CADM2: variants seen among roughly 807,000 people sequenced by gnomAD.
The protein encoded by CADM2 is cell adhesion molecule 2.
A neutral mutation model predicts 49.8 loss-of-function variants in CADM2; 12 were observed. The observed-to-expected ratio is 0.24, with a 90% confidence interval of 0.15 to 0.39. The LOEUF is 0.39. CADM2 is among the 10% of genes least tolerant of loss of function. The pLI is 1.00. For missense variants in CADM2, 378 were observed against 492.3 expected (o/e 0.77, Z 2.20); for synonymous variants, 214 against 175.4 (o/e 1.22, Z -1.74).
chr3:85,184,089 AG>A (rs1251764522), intron 1 of CADM2, among the ~76,000 whole-genome samples: 1 of 152,142 alleles, frequency 6.6e-6, no homozygotes, highest in Non-Finnish European at 1.5e-5. Context: ...TGGGAAAGTA[AG>A]ATGTCACAGA....
In CADM2 at chr3:86,069,615, C is replaced by A. The variant is rs1739665493; in HGVS notation, c.*2832C>A. ...ATGATGTCAATTTCATTGTCTGGAA[C>A]ATGCACACTTGTGTGCACATAGAGT... On this transcript the variant is annotated 3_prime_UTR_variant, in exon 10 of 10. Coordinates refer to ENST00000383699, the MANE Select transcript of CADM2 (RefSeq NM_001167675.2). 6.6e-6 allele frequency: 1 copy of A among 151,942 alleles called. No individual in the cohort carries two copies. The highest frequency in any genetic ancestry group is 6.6e-5 in the Admixed American group (1 of 15,244). The allele number at this position is 151,942 out of a possible 1,614,324, so 9.4% of individuals were successfully genotyped here.
chr3:85,774,068 C>A (rs1283875163), intron 2 of CADM2, among the ~76,000 whole-genome samples: 1 of 151,636 alleles, frequency 6.6e-6, no homozygotes, highest in African/African-American at 2.4e-5. Context: ...TCATTAGATC[C>A]TTTATCTACA....
chr3:85,053,624 C>G (rs2035968005), intron 1 of CADM2, among the ~76,000 whole-genome samples: 1 of 151,848 alleles, frequency 6.6e-6, no homozygotes, highest in African/African-American at 2.4e-5. Flanking sequence ...TAAACTTGTT[C>G]CTCAAGCAAA....
intron 1 of CADM2, among the ~76,000 whole-genome samples, chr3:85,635,311 TCTA>T (rs2064436893): frequency 6.6e-6 from 1 of 152,082 alleles, no homozygotes; most frequent in African/African-American, 2.4e-5. Flanking sequence ...TTTGACACAT[TCTA>T]CTATGTCACA....
At chr3:85,387,937 A>G (rs2034323202) in intron 1 of CADM2, among the ~76,000 whole-genome samples, 1 of 152,170 alleles carries the variant, frequency 6.6e-6, no homozygotes, top group African/African-American at 2.4e-5. Flanking sequence ...TGAAGAAACA[A>G]CTGATGTTTT....
chr3:85,883,993 T>A (rs557756899), intron 4 of CADM2, among the ~76,000 whole-genome samples: 1 of 152,340 alleles, frequency 6.6e-6, no homozygotes, highest in South Asian at 2.1e-4. Flanking sequence ...CTAAATGAAG[T>A]ACCTAATGTC....
Position 85,940,211 on chromosome 3 carries a change from C to T in CADM2, c.791+4354C>T, listed in dbSNP as rs369196137. Reference sequence around the variant, plus strand: ...AAAAATAGCCGGGCGTGGTGGTGGGCGCCTGTAATCCCAGCTACTGGGGAG... The same window carrying T: ...AAAAATAGCCGGGCGTGGTGGTGGGTGCCTGTAATCCCAGCTACTGGGGAG... On this transcript the variant is annotated intron_variant, in intron 7 of 9. Transcript: ENST00000383699. 3.5e-4 allele frequency among the ~76,000 whole-genome samples: 51 copies of T among 145,548 alleles called. No individual in the cohort carries two copies. In the East Asian group the frequency reaches 4.0e-3, roughly 11 times the overall value.
intron 8 of CADM2, among the ~76,000 whole-genome samples, chr3:86,019,991 A>G (rs1359504893): frequency 1.3e-5 from 2 of 152,234 alleles, no homozygotes; most frequent in Non-Finnish European, 2.9e-5. Context: ...AACTAAAATC[A>G]GAACAGAACT....
intron 1 of CADM2, among the ~76,000 whole-genome samples, chr3:85,347,453 A>T (rs1443160335): frequency 6.7e-6 from 1 of 148,180 alleles, no homozygotes; most frequent in Admixed American, 6.8e-5. Context: ...GGAAGAAAGT[A>T]ACGAACATAT....
intron 1 of CADM2, among the ~76,000 whole-genome samples, chr3:85,585,765 A>G (rs1187262796): frequency 6.6e-6 from 1 of 152,016 alleles, no homozygotes; most frequent in African/African-American, 2.4e-5. Flanking sequence ...TTGGAGAAAT[A>G]GGCTTGGTCC....
chr3:85,895,112 C>T (rs1016177845), intron 5 of CADM2, among the ~76,000 whole-genome samples: 5 of 152,170 alleles, frequency 3.3e-5, no homozygotes, highest in Admixed American at 6.5e-5. Context: ...AAGCCTGCAC[C>T]TGGAATAGCT....
intron 1 of CADM2, among the ~76,000 whole-genome samples, chr3:85,501,997 T>C (rs1323570099): frequency 6.6e-6 from 1 of 152,086 alleles, no homozygotes; most frequent in African/African-American, 2.4e-5. Context: ...TAAGAAAGCA[T>C]GAATTTAAAC....
chr3:85,525,254 G>A (rs1304672444), intron 1 of CADM2, among the ~76,000 whole-genome samples: 3 of 152,160 alleles, frequency 2.0e-5, no homozygotes, highest in African/African-American at 4.8e-5. Context: ...CATGTATTCA[G>A]CATCCAATTT....
At chr3:86,053,183 A>G (rs1578070932) in intron 8 of CADM2, among the ~76,000 whole-genome samples, 2 of 152,326 alleles carry the variant, frequency 1.3e-5, no homozygotes, top group South Asian at 2.1e-4. Context: ...AAATTAAGTG[A>G]CATTCTAAGT....
At chr3:85,691,117 C>T (rs1222738372) in intron 1 of CADM2, among the ~76,000 whole-genome samples, 1 of 152,148 alleles carries the variant, frequency 6.6e-6, no homozygotes, top group Non-Finnish European at 1.5e-5. Context: ...CTCTTATTCT[C>T]TCCTCTACTT....
intron 1 of CADM2, among the ~76,000 whole-genome samples, chr3:85,520,137 T>C (rs1042616554): frequency 2.0e-5 from 3 of 152,056 alleles, no homozygotes; most frequent in Non-Finnish European, 4.4e-5. Context: ...TAAAGGACAT[T>C]GTTACAGAGG....
At position 85,781,422 on chromosome 3, in the gene CADM2, A is replaced by G. The variant is rs77121077; in HGVS notation, c.89-20625A>G. On this transcript the variant is annotated intron_variant, in intron 2 of 9. Transcript: ENST00000383699. The stretch of plus-strand genomic sequence containing the variant: ...TCTCTTTCATAACACCCTATTTCTG[A>G]TTGTCTACATGGTGCAAGTTATGCA... 3.4e-3 allele frequency among the ~76,000 whole-genome samples: 511 copies of G among 152,132 alleles called. 9 individuals are homozygous for G. The highest frequency in any genetic ancestry group is 0.014 in the East Asian group (72 of 5,160).
intron 1 of CADM2, among the ~76,000 whole-genome samples, chr3:85,345,224 G>T (rs529282454): frequency 7.3e-6 from 1 of 137,778 alleles, no homozygotes; most frequent in South Asian, 2.4e-4. Context: ...TGAGGCAGGA[G>T]AATTGCTTGA....
chr3:85,473,315 T>C (rs898954439), intron 1 of CADM2, among the ~76,000 whole-genome samples: 7 of 152,066 alleles, frequency 4.6e-5, no homozygotes, highest in Non-Finnish European at 1.0e-4. Flanking sequence ...CTCATTCTTA[T>C]TGGACACAGC....
Sources: allele counts gnomAD v4.1 joint callset (sites outside exome capture counted in the v4.1 genomes callset), GRCh38; gene constraint gnomAD v4.1.1; transcripts MANE v1.5; gene names NCBI Gene and HGNC (gene_info 2026-07-23, HGNC 2026-07-21).